Variants in SPOPL observed in about 807,000 individuals in gnomAD.
The protein encoded by SPOPL is speckle-type POZ protein-like.
A neutral mutation model predicts 53.8 loss-of-function variants in SPOPL; 23 were observed. The ratio of observed to expected loss-of-function variants is 0.43; its 90% CI spans 0.31 to 0.61. The LOEUF (loss-of-function observed/expected upper bound fraction) is 0.61, where lower values mean the gene tolerates loss of function less well. Ranked by LOEUF, SPOPL falls within the 20% of genes least tolerant of loss-of-function variation. The pLI is 0.12. For synonymous variants in SPOPL, 164 were observed against 149.7 expected (o/e 1.10, Z -0.70); for missense variants, 442 against 466.9 (o/e 0.95, Z 0.49).
intron 1 of SPOPL, among the ~76,000 whole-genome samples, chr2:138,505,538 C>A (rs1397015755): frequency 1.5e-5 from 2 of 136,204 alleles, no homozygotes; most frequent in Non-Finnish European, 3.0e-5. Context: ...GGGCTTATCA[C>A]TTAAGGTCAG....
chr2:138,565,220 A>G (rs1685635643), intron 10 of SPOPL, among the ~76,000 whole-genome samples: 1 of 152,214 alleles, frequency 6.6e-6, no homozygotes, highest in South Asian at 2.1e-4. Flanking sequence ...TCTTAAGCGC[A>G]TAATGCCATG....
intron 1 of SPOPL, among the ~76,000 whole-genome samples, chr2:138,505,427 T>C (rs944319173): frequency 2.0e-5 from 3 of 151,726 alleles, no homozygotes; most frequent in Admixed American, 6.6e-5. Flanking sequence ...CTTGTATTCA[T>C]GGAGGCAGAA....
chr2:138,550,708 T>A, intron 3 of SPOPL, 104 bp downstream of exon 3: 1 of 1,471,192 alleles, frequency 6.8e-7, no homozygotes, highest in Non-Finnish European at 9.2e-7. Flanking sequence ...TTAATGTAAT[T>A]TCATATTAGA....
intron 1 of SPOPL, among the ~76,000 whole-genome samples, chr2:138,540,972 A>T (rs547135218): frequency 1.8e-4 from 28 of 152,256 alleles, no homozygotes; most frequent in African/African-American, 6.5e-4. Context: ...AATTTTGTCA[A>T]AGGCCTTTTC....
chr2:138,530,558 A>G (rs1684784712), intron 1 of SPOPL, among the ~76,000 whole-genome samples: 2 of 152,232 alleles, frequency 1.3e-5, no homozygotes, highest in South Asian at 2.1e-4. Flanking sequence ...TTTTCAGTGT[A>G]AAGATGGCAT....
At chr2:138,532,047 C>T (rs1684820580) in intron 1 of SPOPL, among the ~76,000 whole-genome samples, 1 of 152,198 alleles carries the variant, frequency 6.6e-6, no homozygotes, top group Admixed American at 6.5e-5. Context: ...TTTTACTTTA[C>T]AGGCATTTCA....
chr2:138,522,901 G>A (rs868601537), intron 1 of SPOPL, among the ~76,000 whole-genome samples: 3 of 152,164 alleles, frequency 2.0e-5, no homozygotes, highest in South Asian at 2.1e-4. Context: ...CTCAAAACAC[G>A]TAACTAGCCC....
At chr2:138,502,450 CTATACCTG>C (rs372715244) in intron 1 of SPOPL, among the ~76,000 whole-genome samples, 9 of 152,246 alleles carry the variant, frequency 5.9e-5, no homozygotes, top group African/African-American at 1.7e-4. Context: ...CTCTCCTCCT[CTATACCTG>C]TATACCTCCA....
At chr2:138,548,916 A>T (rs1685253839) in intron 1 of SPOPL, among the ~76,000 whole-genome samples, 1 of 152,110 alleles carries the variant, frequency 6.6e-6, no homozygotes, top group African/African-American at 2.4e-5. Context: ...TAAATATTCA[A>T]CTTTTGTTTC....
intron 5 of SPOPL, among the ~76,000 whole-genome samples, chr2:138,554,177 A>G (rs1371113806): frequency 1.3e-5 from 2 of 151,618 alleles, no homozygotes; most frequent in African/African-American, 4.9e-5. Context: ...GCTGAAATTA[A>G]GATTTTTTTT....
chr2:138,543,189 T>C (rs991897026), intron 1 of SPOPL, among the ~76,000 whole-genome samples: 4 of 152,210 alleles, frequency 2.6e-5, no homozygotes, highest in Admixed American at 1.3e-4. Context: ...ATTTCAACTT[T>C]GGTGAATCTG....
intron 1 of SPOPL, among the ~76,000 whole-genome samples, chr2:138,529,992 GC>G (rs1169228398): frequency 3.3e-5 from 5 of 151,894 alleles, no homozygotes; most frequent in Non-Finnish European, 7.4e-5. Flanking sequence ...CCTCTAATAG[GC>G]CCCTGTGTAT....
chr2:138,558,166 T>C (rs895721274), intron 5 of SPOPL, among the ~76,000 whole-genome samples: 2 of 152,182 alleles, frequency 1.3e-5, no homozygotes, highest in South Asian at 2.1e-4. Context: ...GTCTCAAAAA[T>C]AAAAAATAAA....
At chr2:138,504,512 A>G (rs1490483149) in intron 1 of SPOPL, among the ~76,000 whole-genome samples, 1 of 152,238 alleles carries the variant, frequency 6.6e-6, no homozygotes, top group African/African-American at 2.4e-5. Context: ...TTGACATTTA[A>G]CATCTACTCT....
chr2:138,514,144 A>G (rs1408201264), intron 1 of SPOPL, among the ~76,000 whole-genome samples: 3 of 152,176 alleles, frequency 2.0e-5, no homozygotes, highest in African/African-American at 7.2e-5. Context: ...TATTTTGCCA[A>G]GGTTGAGGAC....
intron 5 of SPOPL, among the ~76,000 whole-genome samples, chr2:138,553,284 A>G (rs149127548): frequency 0.011 from 1,632 of 152,158 alleles, 34 homozygotes; most frequent in African/African-American, 0.037. Flanking sequence ...TACACTTATG[A>G]TTTGTCCTAA....
At chr2:138,529,498 CTGTGTGTGTGTGTGTGTGTGTG>C (rs58483992) in intron 1 of SPOPL, among the ~76,000 whole-genome samples, 2 of 147,584 alleles carry the variant, frequency 1.4e-5, no homozygotes, top group African/African-American at 5.1e-5. Context: ...ATGCATGTGC[CTGTGTGTGTGTGTGTGTGTGTG>C]TGTGTGTGTG....
intron 1 of SPOPL, among the ~76,000 whole-genome samples, chr2:138,516,840 A>G (rs982007361): frequency 1.2e-4 from 19 of 152,378 alleles, no homozygotes; most frequent in Middle Eastern, 3.4e-3. Flanking sequence ...CAGGTGTAAG[A>G]AAAGAATATT....
In SPOPL at chr2:138,532,145, C is replaced by T. The variant is rs550288469; in HGVS notation, c.-60-18012C>T. Among the ~76,000 whole-genome samples the T allele has an allele frequency of 3.1e-4, 47 of 152,276 alleles. 2 individuals carry two copies. The South Asian group carries it at 9.7e-3, about 32-fold the overall frequency. ...GTTTGCAGTATAAGACGTCTGAAAACTTTGCCTCTTGGCTTCCTGCTGCAT... is the reference window on the plus strand; with the variant it reads ...GTTTGCAGTATAAGACGTCTGAAAATTTTGCCTCTTGGCTTCCTGCTGCAT... On this transcript the variant is annotated intron_variant, in intron 1 of 10. Transcript: ENST00000280098.
Sources: gnomAD v4.1 joint callset for allele counts (sites outside exome capture counted in the v4.1 genomes callset) on GRCh38, gnomAD v4.1.1 for gene constraint, MANE v1.5 for transcripts, NCBI Gene and HGNC (gene_info 2026-07-23, HGNC 2026-07-21) for gene names.